The following LONP1 variants were observed in gnomAD, a reference collection of about 807,000 sequenced individuals.
The protein encoded by LONP1 is lon protease homolog, mitochondrial.
LONP1 carries 31 observed loss-of-function variants against 98.5 expected under a neutral mutation model. The ratio of observed to expected loss-of-function variants is 0.31; its 90% CI spans 0.24 to 0.42. The LOEUF (loss-of-function observed/expected upper bound fraction) is 0.42. LONP1 is among the 20% of genes least tolerant of loss of function. The probability of loss-of-function intolerance (pLI) is 1.00; values close to 1 mark genes in which losing one functional copy is unlikely to be tolerated. For synonymous variants in LONP1, 781 were observed against 594.7 expected (o/e 1.31, Z -4.56); for missense variants, 1,336 against 1,350.6 (o/e 0.99, Z 0.17).
chr19:5,701,031 G>A (rs2055031840), intron 8 of LONP1, 104 bp from the exon 9 acceptor site: 3 of 1,345,820 alleles, frequency 2.2e-6, no homozygotes, highest in African/African-American at 2.9e-5. Context: ...CCCATGTGTG[G>A]GGCTGAGCGC....
At chr19:5,701,299 TTCTGCC>T (rs369082199) in intron 8 of LONP1, among the ~76,000 whole-genome samples, 2,140 of 152,236 alleles carry the variant, frequency 0.014, 52 homozygotes, top group Admixed American at 0.059. Flanking sequence ...CAAAAAATGC[TTCTGCC>T]TCTGCCTCTG....
At chr19:5,719,425 G>A (rs2055387237) in intron 1 of LONP1, among the ~76,000 whole-genome samples, 1 of 152,172 alleles carries the variant, frequency 6.6e-6, no homozygotes, top group Non-Finnish European at 1.5e-5. Flanking sequence ...GGTCCCTCCC[G>A]GCCCCGGATT....
At chr19:5,703,253 G>A (rs1039964014) in intron 8 of LONP1, among the ~76,000 whole-genome samples, 4 of 152,096 alleles carry the variant, frequency 2.6e-5, no homozygotes, top group Admixed American at 6.6e-5. Flanking sequence ...GGAGATGGCC[G>A]GAGGTCCACT....
intron 6 of LONP1, among the ~76,000 whole-genome samples, chr19:5,707,365 C>T (rs529690302): frequency 1.3e-4 from 20 of 152,308 alleles, no homozygotes; most frequent in Admixed American, 1.0e-3. Context: ...CATGGGGACG[C>T]GCTCAGGAGT....
intron 17 of LONP1, among the ~76,000 whole-genome samples, chr19:5,692,899 A>T (rs1490596035): frequency 6.6e-6 from 1 of 152,048 alleles, no homozygotes; most frequent in Non-Finnish European, 1.5e-5. Flanking sequence ...ATGGGAGGGA[A>T]GAGTGGGGAC....
In LONP1 at chr19:5,691,986, C is replaced by T. The variant is rs780152706; in HGVS notation, c.*46G>A. 7 of 1,585,474 alleles carry T rather than the reference C, an allele frequency of 4.4e-6. No homozygotes were observed. The East Asian group carries it at 1.3e-4, about 30-fold the overall frequency. ...CGCTCCCCACAGCGCTCAGTTCTGG[C>T]CCAGACAGGGCCTGACATCCGCCGC... On this transcript the variant is annotated 3_prime_UTR_variant, in exon 18 of 18. Transcript: ENST00000360614.
In LONP1 at chr19:5,715,640, TCATAAAAAAAAAAAAA is replaced by T. The variant is rs1471631729; in HGVS notation, c.430-1385_430-1370del. On this transcript the variant is annotated intron_variant, in intron 1 of 17. Transcript: ENST00000360614. ...CTGGGCGACAGAGTGAGACTCTGTCTCATAAAAAAAAAAAAAAAAAAAAAAAAAAAAAAAAAAAAGA... is the reference window on the plus strand; with the variant it reads ...CTGGGCGACAGAGTGAGACTCTGTCTAAAAAAAAAAAAAAAAAAAAAAAGA... 2.3e-3 allele frequency among the ~76,000 whole-genome samples: 125 copies of T among 54,064 alleles called. 2 individuals carry two copies. Among genetic ancestry groups the T allele is most frequent in the African/African-American group, 1.0e-2 (118 of 11,844 alleles). The allele number at this position is 54,064 out of a possible 152,430, so 35.5% of individuals were successfully genotyped here. A position where few individuals can be genotyped will look rare whatever the true frequency, so the allele number is the denominator to read the frequency against.
intron 2 of LONP1, 84 bp from the exon 3 acceptor site, chr19:5,713,337 G>A: frequency 1.6e-6 from 2 of 1,215,046 alleles, no homozygotes; most frequent in Non-Finnish European, 2.3e-6. Flanking sequence ...AGGAGGGAGA[G>A]AAAAGAAACG....
In LONP1 at chr19:5,710,331, C is replaced by T. The variant is rs528919734; in HGVS notation, c.870+1440G>A. 3.3e-5 allele frequency among the ~76,000 whole-genome samples: 5 copies of T among 151,892 alleles called. No individual in the cohort carries two copies. The South Asian group carries it at 6.2e-4, about 19-fold the overall frequency. Reference sequence around the variant, plus strand: ...CTCAAACTCCTGACCTCAGGTGATCCGCCCACCTCGGCCTCCCAAAGTGCT... The same window carrying T: ...CTCAAACTCCTGACCTCAGGTGATCTGCCCACCTCGGCCTCCCAAAGTGCT... On this transcript the variant is annotated intron_variant, in intron 4 of 17. Transcript: ENST00000360614.
intron 15 of LONP1, among the ~76,000 whole-genome samples, chr19:5,694,005 C>T (rs1048162037): frequency 4.6e-5 from 7 of 152,192 alleles, no homozygotes; most frequent in Non-Finnish European, 1.0e-4. Flanking sequence ...ACAGAGGACA[C>T]GCCCAGGGCT....
chr19:5,704,120 G>A (rs1397031217), intron 8 of LONP1, among the ~76,000 whole-genome samples: 2 of 152,196 alleles, frequency 1.3e-5, no homozygotes, highest in East Asian at 1.9e-4. Flanking sequence ...AGGTCCTCAC[G>A]ACAGGCGGTG....
In LONP1 at chr19:5,701,926, G is replaced by A. The variant is rs529009284; in HGVS notation, c.1368-999C>T. 1.1e-3 allele frequency among the ~76,000 whole-genome samples: 169 copies of A among 151,326 alleles called. 1 individual carries two copies. The highest frequency in any genetic ancestry group is 3.2e-3 in the African/African-American group (131 of 41,254). On this transcript the variant is annotated intron_variant, in intron 8 of 17. Coordinates refer to ENST00000360614, the MANE Select transcript of LONP1 (RefSeq NM_004793.4). The stretch of plus-strand genomic sequence containing the variant: ...CCGCCCTGTCTGGGATATGAGGAGC[G>A]CCTCTGCCCGGCCGCGACCCCGTCT...
chr19:5,698,012 C>T lies in LONP1; in HGVS notation c.1685+1015G>A, dbSNP rs916935553. ...CTCCACCTTCACCCAGCTGCTCCTT[C>T]CTGCTCAGACCCCAGCCCAACCAAG... On this transcript the variant is annotated intron_variant, in intron 10 of 17. Coordinates refer to ENST00000360614, the MANE Select transcript of LONP1 (RefSeq NM_004793.4). Among the ~76,000 whole-genome samples the T allele has an allele frequency of 5.9e-5, 8 of 134,650 alleles. No individual in the cohort carries two copies. The Admixed American group carries it at 6.2e-4, about 11-fold the overall frequency. The allele number at this position is 134,650 out of a possible 152,430, so 88.3% of individuals were successfully genotyped here. A position where few individuals can be genotyped will look rare whatever the true frequency, so the allele number is the denominator to read the frequency against.
At chr19:5,706,916 C>T (rs536505475) in intron 7 of LONP1, 144 bp downstream of exon 7, 13 of 655,820 alleles carry the variant, frequency 2.0e-5, no homozygotes, top group East Asian at 1.6e-4. Context: ...GATGATGGCA[C>T]GAAGCCCTCA....
chr19:5,720,059 GCCAGCATCGGCCGCCGCAGCAC>G lies in LONP1; in HGVS notation c.52_73del (p.Val18ProfsTer85). On this transcript the variant is annotated frameshift_variant, in exon 1 of 18. Coordinates refer to ENST00000360614, the MANE Select transcript of LONP1 (RefSeq NM_004793.4). LOFTEE classifies it high-confidence loss of function. Reference sequence around the variant, plus strand: ...AGTGGGAACCCGCCCCCCGGCGGCGGCCAGCATCGGCCGCCGCAGCACCCAGCACCGCGCCGCTCCCCACAGT... The same window carrying G: ...AGTGGGAACCCGCCCCCCGGCGGCGGCCAGCACCGCGCCGCTCCCCACAGT... 6.5e-7 allele frequency: 1 copy of G among 1,531,556 alleles called. No individual in the cohort carries two copies. Among genetic ancestry groups the G allele is most frequent in the East Asian group, 2.5e-5 (1 of 39,552 alleles). The allele number at this position is 1,531,556 out of a possible 1,614,324, so 94.9% of individuals were successfully genotyped here.
At chr19:5,711,693 C>G in intron 4 of LONP1, 78 bp downstream of exon 4, 2 of 1,229,952 alleles carry the variant, frequency 1.6e-6, no homozygotes, top group African/African-American at 1.5e-5. Flanking sequence ...GATGACTCTT[C>G]GGAGAGGCCG....
At chr19:5,711,512 C>G (rs1419441330) in intron 4 of LONP1, among the ~76,000 whole-genome samples, 2 of 152,220 alleles carry the variant, frequency 1.3e-5, no homozygotes, top group Non-Finnish European at 2.9e-5. Context: ...GGGGCTGGAC[C>G]TGGGTTCCAA....
intron 1 of LONP1, among the ~76,000 whole-genome samples, chr19:5,715,942 C>T (rs1388085731): frequency 6.6e-6 from 1 of 151,940 alleles, no homozygotes; most frequent in South Asian, 2.1e-4. Context: ...GATCAAGACC[C>T]CCAGGATCAC....
chr19:5,705,636 G>A lies in LONP1; in HGVS notation c.1367+136C>T, dbSNP rs2436509. 402,689 of 660,786 alleles carry A rather than the reference G, an allele frequency of 0.61. 128,849 individuals are homozygous for A. Among genetic ancestry groups the A allele is most frequent in the Non-Finnish European group, 0.7 (263,913 of 377,970 alleles). 40.9% of individuals were successfully genotyped at this position (660,786 alleles called of 1,614,324 possible). On this transcript the variant is annotated intron_variant, in intron 8 of 17. Coordinates refer to ENST00000360614, the MANE Select transcript of LONP1 (RefSeq NM_004793.4). ...CCTGCCCAGAACAGGGCTGATACTC[G>A]CTGGATGCCTCCCAGCCCGCACCTG...
Sources: allele counts gnomAD v4.1 joint callset (sites outside exome capture counted in the v4.1 genomes callset), GRCh38; gene constraint gnomAD v4.1.1; transcripts MANE v1.5; gene names NCBI Gene and HGNC (gene_info 2026-07-23, HGNC 2026-07-21).